The following CYP2J2 variants were observed in gnomAD, a reference collection of about 807,000 sequenced individuals.
The protein encoded by CYP2J2 is cytochrome P450 family 2 subfamily J member 2.
A neutral mutation model predicts 48.8 loss-of-function variants in CYP2J2; 41 were observed. The ratio of observed to expected loss-of-function variants is 0.84; its 90% CI spans 0.66 to 1.09. The LOEUF (loss-of-function observed/expected upper bound fraction) is 1.09. Among genes scored for constraint, CYP2J2 ranks in the 50% least tolerant of loss-of-function variants. The pLI is 0.00. For missense variants in CYP2J2, 644 were observed against 617.3 expected (o/e 1.04, Z -0.46); for synonymous variants, 221 against 227.1 (o/e 0.97, Z 0.24).
intron 1 of CYP2J2, among the ~76,000 whole-genome samples, chr1:59,918,726 T>C (rs551635393): frequency 6.7e-6 from 1 of 149,014 alleles, no homozygotes; most frequent in East Asian, 1.9e-4. Context: ...AAGATGCCTT[T>C]TGAAAGGCAA....
intron 6 of CYP2J2, 145 bp from the exon 7 acceptor site, chr1:59,905,203 G>A (rs1644355347): frequency 3.8e-6 from 3 of 791,188 alleles, no homozygotes; most frequent in Non-Finnish European, 5.8e-6. Context: ...CCTTTTGAAA[G>A]GCTTATTCAG....
chr1:59,905,399 C>G lies in CYP2J2; in HGVS notation c.1004-341G>C, dbSNP rs117311190. Reference sequence around the variant, plus strand: ...TTACATAGTAGAAGGAGTGAGGCAGCTCTCTGGAGTCTCTTTTATAACAGT... The same window carrying G: ...TTACATAGTAGAAGGAGTGAGGCAGGTCTCTGGAGTCTCTTTTATAACAGT... On this transcript the variant is annotated intron_variant, in intron 6 of 8. Coordinates refer to ENST00000371204, the MANE Select transcript of CYP2J2 (RefSeq NM_000775.4). 2.5e-4 allele frequency among the ~76,000 whole-genome samples: 38 copies of G among 152,306 alleles called. No homozygotes were observed. In the East Asian group the frequency reaches 7.3e-3, roughly 29 times the overall value.
chr1:59,895,769 T>A (rs1048195448), intron 8 of CYP2J2, among the ~76,000 whole-genome samples: 8 of 152,224 alleles, frequency 5.3e-5, no homozygotes, highest in African/African-American at 1.9e-4. Context: ...CATCTAGCAT[T>A]AGGTATATCT....
chr1:59,942,335 G>T, the CYP2J2 span, among the ~76,000 whole-genome samples: 3 of 152,060 alleles, frequency 2.0e-5, no homozygotes, highest in South Asian at 4.1e-4. Flanking sequence ...GTTGAGGGGA[G>T]GGGGAAGCAT....
intron 3 of CYP2J2, 152 bp downstream of exon 3, chr1:59,912,010 C>T (rs1222882461): frequency 1.8e-5 from 18 of 1,000,482 alleles, no homozygotes; most frequent in African/African-American, 3.3e-5. Flanking sequence ...GTATTTACTT[C>T]TAAAACTCTT....
chr1:59,895,841 C>G (rs1166270467), intron 8 of CYP2J2, among the ~76,000 whole-genome samples: 1 of 152,170 alleles, frequency 6.6e-6, no homozygotes, highest in African/African-American at 2.4e-5. Context: ...TCTGTCATTT[C>G]TTCCACATTT....
At chr1:59,955,964 AC>A in the CYP2J2 span, among the ~76,000 whole-genome samples, 6 of 152,118 alleles carry the variant, frequency 3.9e-5, no homozygotes, top group African/African-American at 1.2e-4. Flanking sequence ...GTAAAGTTGC[AC>A]ACATCATGAC....
At chr1:59,933,327 C>T in the CYP2J2 span, among the ~76,000 whole-genome samples, 2,232 of 152,028 alleles carry the variant, frequency 0.015, 66 homozygotes, top group African/African-American at 0.051. Flanking sequence ...AGAAAAGAAA[C>T]AAAAACAAGA....
At position 59,893,822 on chromosome 1, in the gene CYP2J2, C is replaced by T; in HGVS notation, c.1338G>A (p.Arg446=). ...EAFMPFSIGK[R]ACLGEQLART... is the part of the protein sequence containing the mutation. ...TGGCCAACTGTTCTCCGAGGCATGCCCGCTTTCCTGTAAGACAAAATCAAA... is the reference window on the plus strand; with the variant it reads ...TGGCCAACTGTTCTCCGAGGCATGCTCGCTTTCCTGTAAGACAAAATCAAA... The change falls in exon 9 of 9, where the codon CGG becomes CGA. Residue 446 remains arginine (R), a synonymous_variant. Coordinates refer to ENST00000371204, the MANE Select transcript of CYP2J2 (RefSeq NM_000775.4). 1 of 1,600,342 alleles carries T rather than the reference C, an allele frequency of 6.2e-7. No homozygotes were observed. The highest frequency in any genetic ancestry group is 8.5e-7 in the Non-Finnish European group (1 of 1,174,160).
the CYP2J2 span, among the ~76,000 whole-genome samples, chr1:59,933,861 C>CT: frequency 3.9e-5 from 6 of 152,030 alleles, no homozygotes; most frequent in Non-Finnish European, 7.4e-5. Flanking sequence ...TTGACTTTTC[C>CT]TTTTTTGCAG....
the CYP2J2 span, among the ~76,000 whole-genome samples, chr1:59,938,542 G>T: frequency 6.6e-6 from 1 of 152,220 alleles, no homozygotes; most frequent in Non-Finnish European, 1.5e-5. Context: ...TAACAAAGCA[G>T]CATTGCTGCC....
At chr1:59,947,947 G>A in the CYP2J2 span, among the ~76,000 whole-genome samples, 1 of 152,132 alleles carries the variant, frequency 6.6e-6, no homozygotes, top group Non-Finnish European at 1.5e-5. Context: ...CTGCCACTAA[G>A]AGCCTGAGTC....
intron 8 of CYP2J2, among the ~76,000 whole-genome samples, chr1:59,898,046 T>C (rs1644284877): frequency 6.6e-6 from 1 of 152,202 alleles, no homozygotes; most frequent in Admixed American, 6.5e-5. Flanking sequence ...CCCAGATAAA[T>C]TTTTTGCCTT....
intron 4 of CYP2J2, 90 bp from the exon 5 acceptor site, chr1:59,910,050 CTT>C: frequency 1.0e-6 from 1 of 999,718 alleles, no homozygotes; most frequent in Non-Finnish European, 1.5e-6. Context: ...CTTTCCGTCT[CTT>C]TTATTTGCTC....
chr1:59,901,665 T>A (rs1275720831), intron 7 of CYP2J2, among the ~76,000 whole-genome samples: 2 of 151,992 alleles, frequency 1.3e-5, no homozygotes, highest in Non-Finnish European at 2.9e-5. Context: ...AACACAGGAG[T>A]TCCCAGAGGG....
At chr1:59,930,322 T>C (rs898895288), upstream of CYP2J2, among the ~76,000 whole-genome samples, 1 of 152,168 alleles carries the variant, frequency 6.6e-6, no homozygotes, top group Admixed American at 6.5e-5. Flanking sequence ...TTGTAGGAAC[T>C]ACCATGCTGT....
At chr1:59,946,041 G>A in the CYP2J2 span, among the ~76,000 whole-genome samples, 6 of 152,196 alleles carry the variant, frequency 3.9e-5, no homozygotes, top group East Asian at 3.9e-4. Context: ...ATGCACAATC[G>A]TGCCAGAGTT....
the CYP2J2 span, among the ~76,000 whole-genome samples, chr1:59,963,325 T>A: frequency 2.4e-4 from 37 of 152,292 alleles, no homozygotes; most frequent in African/African-American, 7.5e-4. Context: ...CAACAGAAAC[T>A]CTGTACTCGT....
intron 7 of CYP2J2, among the ~76,000 whole-genome samples, chr1:59,901,370 G>A (rs1488719564): frequency 6.6e-6 from 1 of 152,166 alleles, no homozygotes; most frequent in African/African-American, 2.4e-5. Flanking sequence ...CTTCCTTACA[G>A]GGACAGGTCA....
Sources: allele counts gnomAD v4.1 joint callset (sites outside exome capture counted in the v4.1 genomes callset), GRCh38; gene constraint gnomAD v4.1.1; transcripts MANE v1.5; gene names NCBI Gene and HGNC (gene_info 2026-07-23, HGNC 2026-07-21).